Variants in CHCHD3 observed in about 807,000 individuals in gnomAD.
The protein encoded by CHCHD3 is MICOS complex subunit MIC19.
Under a neutral mutation model 38.2 loss-of-function variants are expected in CHCHD3, and 20 were observed. The ratio of observed to expected loss-of-function variants is 0.52; its 90% CI spans 0.37 to 0.76. CHCHD3 has a LOEUF of 0.76. Among genes scored for constraint, CHCHD3 ranks in the 30% least tolerant of loss-of-function variants. The pLI is 0.00. For missense variants in CHCHD3, 245 were observed against 279.2 expected (o/e 0.88, Z 0.87); for synonymous variants, 82 against 100.0 (o/e 0.82, Z 1.07).
intron 4 of CHCHD3, among the ~76,000 whole-genome samples, chr7:132,908,612 C>T (rs1282350405): frequency 6.6e-6 from 1 of 152,096 alleles, no homozygotes; most frequent in Non-Finnish European, 1.5e-5. Flanking sequence ...CAACAAGCTG[C>T]TAAGATACCC....
chr7:132,897,471 C>A (rs927431749), intron 4 of CHCHD3, among the ~76,000 whole-genome samples: 2 of 152,180 alleles, frequency 1.3e-5, no homozygotes, highest in Non-Finnish European at 2.9e-5. Context: ...AAGAAAACAT[C>A]CAGAGATCAC....
intron 2 of CHCHD3, among the ~76,000 whole-genome samples, chr7:133,044,322 C>T (rs1488264500): frequency 2.0e-5 from 3 of 152,214 alleles, no homozygotes; most frequent in African/African-American, 7.2e-5. Context: ...CTCTCCAAAA[C>T]ATTGTCATTT....
intron 4 of CHCHD3, among the ~76,000 whole-genome samples, chr7:132,909,266 G>T (rs1424343361): frequency 6.6e-6 from 1 of 152,164 alleles, no homozygotes; most frequent in Non-Finnish European, 1.5e-5. Flanking sequence ...GGCTGAAGCA[G>T]ATGGATCACT....
At chr7:133,017,527 C>G (rs754670235) in intron 3 of CHCHD3, among the ~76,000 whole-genome samples, 5 of 152,188 alleles carry the variant, frequency 3.3e-5, no homozygotes, top group Non-Finnish European at 7.3e-5. Flanking sequence ...CTTCCAAATG[C>G]AGAAATTGAC....
Position 133,035,081 on chromosome 7 carries a change from G to A in CHCHD3, c.170-10454C>T, listed in dbSNP as rs1331030704. ...CAAAGGTACTCTTGGGCAGGTGAGC[G>A]AAGGGGTCCTTGGCCTTGGGCTCAG... On this transcript the variant is annotated intron_variant, in intron 2 of 7. Coordinates refer to ENST00000262570, the MANE Select transcript of CHCHD3 (RefSeq NM_017812.4). The surrounding 1 kb of genome is among the most constrained non-coding windows in gnomAD (Gnocchi z 4.7). 8.1e-6 allele frequency: 13 copies of A among 1,613,630 alleles called. No individual in the cohort carries two copies. The highest frequency in any genetic ancestry group is 2.2e-5 in the East Asian group (1 of 44,884).
intron 3 of CHCHD3, among the ~76,000 whole-genome samples, chr7:132,995,118 A>C (rs544805661): frequency 6.6e-6 from 1 of 152,360 alleles, no homozygotes; most frequent in South Asian, 2.1e-4. Flanking sequence ...AAATGGTAGA[A>C]ACATGTATAG....
chr7:133,066,326 C>G (rs1033659240), intron 2 of CHCHD3, among the ~76,000 whole-genome samples: 3 of 151,302 alleles, frequency 2.0e-5, no homozygotes, highest in Non-Finnish European at 4.4e-5. Context: ...ACAATCTCGG[C>G]TTACTGCAAC....
intron 3 of CHCHD3, among the ~76,000 whole-genome samples, chr7:132,976,610 G>A (rs1811775164): frequency 6.6e-6 from 1 of 152,062 alleles, no homozygotes; most frequent in African/African-American, 2.4e-5. Flanking sequence ...TATCCCTGAA[G>A]GTATAGCTAT....
intron 4 of CHCHD3, among the ~76,000 whole-genome samples, chr7:132,967,790 C>CTGCA (rs1476319957): frequency 2.0e-5 from 3 of 148,966 alleles, no homozygotes; most frequent in Non-Finnish European, 3.0e-5. Flanking sequence ...TGATCATGCA[C>CTGCA]TGCACTCCAG....
intron 2 of CHCHD3, among the ~76,000 whole-genome samples, chr7:133,028,232 A>G (rs1356801038): frequency 6.6e-6 from 1 of 152,226 alleles, no homozygotes; most frequent in Non-Finnish European, 1.5e-5. Context: ...TACAACAGCA[A>G]GATACTTCTC....
rs1011062531 is a variant in CHCHD3 at position 132,804,849 on chromosome 7, T to C, written c.525-8272A>G. ...AAGTGAAGAAAAAAAATTATCCATA[T>C]TGATTTGCCCTTTAAGTGTCAGAGT... On this transcript the variant is annotated intron_variant, in intron 6 of 7. Transcript: ENST00000262570. Among the ~76,000 whole-genome samples the C allele has an allele frequency of 3.9e-5, 6 of 152,230 alleles. No individual in the cohort carries two copies. The South Asian group carries it at 6.2e-4, about 16-fold the overall frequency.
At chr7:133,076,046 G>A (rs1304201705) in intron 1 of CHCHD3, among the ~76,000 whole-genome samples, 7 of 112,740 alleles carry the variant, frequency 6.2e-5, no homozygotes, top group Admixed American at 1.2e-4. Flanking sequence ...GCAAGAGAAT[G>A]AGATTCTATC....
intron 6 of CHCHD3, among the ~76,000 whole-genome samples, chr7:132,830,063 T>G (rs539724438): frequency 3.9e-5 from 6 of 152,214 alleles, no homozygotes; most frequent in African/African-American, 1.4e-4. Context: ...TTAGACCAAG[T>G]ATAGAGATCT....
chr7:132,813,052 G>GA (rs1275320511), intron 6 of CHCHD3, among the ~76,000 whole-genome samples: 1 of 152,202 alleles, frequency 6.6e-6, no homozygotes, highest in Non-Finnish European at 1.5e-5. Flanking sequence ...AAGTTATTTG[G>GA]ATGATCAGTT....
rs1806376574 is a variant in CHCHD3, at chr7:132,788,313, T to C, written c.661-2653A>G. ...TAGCCATTTGCATTTGGGGGGGTTA[T>C]AGATTCACTGCTTTCTTCAACACAC... On this transcript the variant is annotated intron_variant, in intron 7 of 7. Transcript: ENST00000262570. This position sits in a 1 kb window ranked among gnomAD's most constrained non-coding sequence, Gnocchi z 4.0. Among the ~76,000 whole-genome samples the C allele has an allele frequency of 6.6e-6, 1 of 152,222 alleles. No individual in the cohort carries two copies. The highest frequency in any genetic ancestry group is 2.4e-5 in the African/African-American group (1 of 41,470).
intron 4 of CHCHD3, among the ~76,000 whole-genome samples, chr7:132,933,022 G>GT (rs1459652388): frequency 6.6e-6 from 1 of 152,196 alleles, no homozygotes; most frequent in Non-Finnish European, 1.5e-5. Context: ...AGAGTATGAA[G>GT]TTTTAAACAA....
chr7:132,837,342 A>G (rs1439937146), intron 6 of CHCHD3, among the ~76,000 whole-genome samples: 1 of 152,208 alleles, frequency 6.6e-6, no homozygotes, highest in Non-Finnish European at 1.5e-5. Context: ...ATCTATAACC[A>G]GTTCTATTAA....
intron 5 of CHCHD3, among the ~76,000 whole-genome samples, chr7:132,850,633 T>C (rs1177026612): frequency 3.3e-5 from 5 of 152,128 alleles, no homozygotes; most frequent in African/African-American, 1.2e-4. Context: ...TTCCTTTTAT[T>C]TGTTCACTTT....
At chr7:132,987,843 A>C (rs1409456279) in intron 3 of CHCHD3, among the ~76,000 whole-genome samples, 1 of 152,162 alleles carries the variant, frequency 6.6e-6, no homozygotes, top group African/African-American at 2.4e-5. Context: ...TGCCTCTACC[A>C]CCAGAGACAG....
Sources: gnomAD v4.1 joint callset for allele counts (sites outside exome capture counted in the v4.1 genomes callset) on GRCh38, gnomAD v4.1.1 for gene constraint, Gnocchi (gnomAD v3.1) non-coding constraint, MANE v1.5 for transcripts, NCBI Gene and HGNC (gene_info 2026-07-23, HGNC 2026-07-21) for gene names.